Variants in ANO4 observed in about 807,000 individuals in gnomAD.
The protein encoded by ANO4 is anoctamin 4, also known as anoctamin-4.
ANO4 carries 69 observed loss-of-function variants against 141.9 expected under a neutral mutation model. That is an observed-to-expected ratio of 0.49 (90% CI 0.40 to 0.59). The LOEUF (loss-of-function observed/expected upper bound fraction) is 0.59, where lower values mean the gene tolerates loss of function less well. Ranked by LOEUF, ANO4 falls within the 20% of genes least tolerant of loss-of-function variation. ANO4 has a pLI of 0.00. For missense variants in ANO4, 894 were observed against 1,162.2 expected (o/e 0.77, Z 3.36); for synonymous variants, 350 against 394.3 (o/e 0.89, Z 1.33).
At chr12:100,888,351 A>G (rs1316533780) in intron 1 of ANO4, among the ~76,000 whole-genome samples, 2 of 152,236 alleles carry the variant, frequency 1.3e-5, no homozygotes, top group Non-Finnish European at 2.9e-5. Context: ...AGGCTGGGTT[A>G]TGGAAATTGA....
chr12:100,755,719 C>T (rs2032579537), intron 3 of ANO4, among the ~76,000 whole-genome samples: 1 of 151,500 alleles, frequency 6.6e-6, no homozygotes, highest in Admixed American at 6.6e-5. Flanking sequence ...AGTTTGCTTG[C>T]ACCTGCTTAA....
In ANO4 at chr12:100,951,554, G is replaced by A. The variant is rs542241819; in HGVS notation, c.456+9019G>A. ...TGTAGGGACATGGATGGAGCTGGAG[G>A]CCATTATCCTTAGCAAACTAATGCA... is the stretch of plus-strand genomic sequence containing the variant. On this transcript the variant is annotated intron_variant, in intron 5 of 27. Coordinates refer to ENST00000392977, the MANE Select transcript of ANO4 (RefSeq NM_001286615.2). 1.1e-4 allele frequency among the ~76,000 whole-genome samples: 17 copies of A among 152,278 alleles called. No homozygotes were observed. The South Asian group carries it at 3.1e-3, about 28-fold the overall frequency.
chr12:101,068,525 G>A (rs550188825), intron 14 of ANO4: 2 of 1,143,030 alleles, frequency 1.7e-6, no homozygotes, highest in African/African-American at 3.0e-5. Flanking sequence ...CCTGGAATAT[G>A]ATCAGGATCT....
chr12:101,108,583 G>A (rs928605562), intron 22 of ANO4, among the ~76,000 whole-genome samples: 1 of 152,062 alleles, frequency 6.6e-6, no homozygotes, highest in African/African-American at 2.4e-5. Flanking sequence ...TGCTATATAT[G>A]TGTAGTCATT....
chr12:100,739,041 C>A (rs368954364), intron 2 of ANO4, among the ~76,000 whole-genome samples: 1 of 103,516 alleles, frequency 9.7e-6, no homozygotes, highest in Non-Finnish European at 2.1e-5. Context: ...ATCTCTAAAT[C>A]TTTATATATA....
chr12:100,999,906 A>G (rs1306449141), intron 8 of ANO4, among the ~76,000 whole-genome samples: 1 of 151,458 alleles, frequency 6.6e-6, no homozygotes, highest in Non-Finnish European at 1.5e-5. Flanking sequence ...AACTTTAGCC[A>G]GGCATGGTGG....
intron 1 of ANO4, among the ~76,000 whole-genome samples, chr12:100,732,069 CGTAAG>C (rs1322345919): frequency 6.6e-6 from 1 of 152,162 alleles, no homozygotes; most frequent in East Asian, 1.9e-4. Flanking sequence ...TTTGGATGGG[CGTAAG>C]TTTTCAGCTT....
intron 3 of ANO4, among the ~76,000 whole-genome samples, chr12:100,773,466 C>G (rs1472518983): frequency 6.6e-6 from 1 of 152,096 alleles, no homozygotes; most frequent in East Asian, 1.9e-4. Context: ...TTATCCTTTC[C>G]CCCACACCCC....
intron 1 of ANO4, among the ~76,000 whole-genome samples, chr12:100,885,983 A>T (rs1390814643): frequency 2.6e-5 from 4 of 152,124 alleles, no homozygotes; most frequent in African/African-American, 9.7e-5. Context: ...CCGTGTTCTT[A>T]TTTCTATTAC....
intron 8 of ANO4, among the ~76,000 whole-genome samples, chr12:100,991,763 T>C (rs567557673): frequency 2.6e-5 from 4 of 152,112 alleles, no homozygotes; most frequent in Non-Finnish European, 5.9e-5. Flanking sequence ...TTGAATCCCA[T>C]AGTAAGTGCT....
intron 2 of ANO4, among the ~76,000 whole-genome samples, chr12:100,913,395 C>T (rs1032287755): frequency 2.0e-5 from 3 of 152,154 alleles, no homozygotes; most frequent in South Asian, 2.1e-4. Context: ...GATTTAAGTA[C>T]AGCAATGTGC....
At position 100,974,942 on chromosome 12, in the gene ANO4, C is replaced by T. The variant is rs1180144232; in HGVS notation, c.602+53C>T. On this transcript the variant is annotated intron_variant, in intron 7 of 27. Coordinates refer to ENST00000392977, the MANE Select transcript of ANO4 (RefSeq NM_001286615.2). ...GTTTGTCTTTCTGTTGGCCCGTGTGCTCCAACAATGACAAGGAGCTATAAG... is the reference window on the plus strand; with the variant it reads ...GTTTGTCTTTCTGTTGGCCCGTGTGTTCCAACAATGACAAGGAGCTATAAG... 13 of 1,587,688 alleles carry T rather than the reference C, an allele frequency of 8.2e-6. No homozygotes were observed. The Admixed American group carries it at 2.2e-4, about 26-fold the overall frequency.
At chr12:101,121,647 A>G (rs1240156575) in intron 26 of ANO4, among the ~76,000 whole-genome samples, 4 of 151,842 alleles carry the variant, frequency 2.6e-5, no homozygotes, top group Non-Finnish European at 5.9e-5. Context: ...TTGTTCTTTG[A>G]GAAATCTCCA....
intron 1 of ANO4, among the ~76,000 whole-genome samples, chr12:100,837,747 C>T (rs1254321454): frequency 6.8e-6 from 1 of 146,264 alleles, no homozygotes; most frequent in African/African-American, 2.5e-5. Context: ...AAAGCTCGCT[C>T]ATACCCAAAG....
Position 100,901,551 on chromosome 12 carries a change from T to C in ANO4, c.-140-95T>C, listed in dbSNP as rs901504068. On this transcript the variant is annotated intron_variant, in intron 1 of 27. Transcript: ENST00000392977. Reference sequence around the variant, plus strand: ...ATACCTTAAGAATTTGAAACATGGTTGCTTCTGTTCTCTGGACTTCATATG... The same window carrying C: ...ATACCTTAAGAATTTGAAACATGGTCGCTTCTGTTCTCTGGACTTCATATG... The C allele has an allele frequency of 2.8e-5, 15 of 544,480 alleles. 1 individual carries two copies. Among genetic ancestry groups the C allele is most frequent in the Admixed American group, 7.3e-5 (2 of 27,504 alleles). 33.7% of individuals were successfully genotyped at this position (544,480 alleles called of 1,614,324 possible).
chr12:101,066,894 C>T, intron 14 of ANO4: 1 of 905,518 alleles, frequency 1.1e-6, no homozygotes, highest in Non-Finnish European at 1.9e-6. Context: ...ACAAAGACCA[C>T]ACTGCCCACA....
At chr12:101,090,460 A>C (rs1054355384) in intron 17 of ANO4, among the ~76,000 whole-genome samples, 1 of 152,206 alleles carries the variant, frequency 6.6e-6, no homozygotes, top group Non-Finnish European at 1.5e-5. Context: ...GACATGGATG[A>C]AGCTGGAAAC....
At chr12:101,114,466 T>C (rs1005071337) in intron 24 of ANO4, among the ~76,000 whole-genome samples, 1 of 152,192 alleles carries the variant, frequency 6.6e-6, no homozygotes, top group African/African-American at 2.4e-5. Context: ...AGACACATTT[T>C]CAACTTGGAT....
chr12:100,725,396 G>A (rs891969769), intron 1 of ANO4, among the ~76,000 whole-genome samples: 1 of 148,340 alleles, frequency 6.7e-6, no homozygotes, highest in Non-Finnish European at 1.5e-5. Context: ...ACCCAGGCTG[G>A]AGTGCAGTGG....
Sources: gnomAD v4.1 joint callset for allele counts (sites outside exome capture counted in the v4.1 genomes callset) on GRCh38, gnomAD v4.1.1 for gene constraint, MANE v1.5 for transcripts, NCBI Gene and HGNC (gene_info 2026-07-23, HGNC 2026-07-21) for gene names.